KIAA1328: variants seen among roughly 807,000 people sequenced by gnomAD.
The protein encoded by KIAA1328 is protein hinderin.
Under a neutral mutation model 68.1 loss-of-function variants are expected in KIAA1328, and 52 were observed. That is an observed-to-expected ratio of 0.76 (90% CI 0.61 to 0.96). KIAA1328 has a LOEUF of 0.96. KIAA1328 is among the 40% of genes least tolerant of loss of function. The probability of loss-of-function intolerance (pLI) is 0.00; values close to 1 mark genes in which losing one functional copy is unlikely to be tolerated. For missense variants in KIAA1328, 641 were observed against 677.6 expected (o/e 0.95, Z 0.60); for synonymous variants, 232 against 239.4 (o/e 0.97, Z 0.28).
chr18:37,136,109 C>G (rs1282201418), intron 7 of KIAA1328, among the ~76,000 whole-genome samples: 1 of 152,042 alleles, frequency 6.6e-6, no homozygotes. Context: ...TTTTTGCATC[C>G]TTGTACCACA....
intron 4 of KIAA1328, among the ~76,000 whole-genome samples, chr18:36,852,074 A>C (rs938532129): frequency 6.6e-6 from 1 of 152,006 alleles, no homozygotes. Flanking sequence ...ATTTCCACAT[A>C]TTTGTGCATT....
intron 6 of KIAA1328, among the ~76,000 whole-genome samples, chr18:36,986,396 G>A (rs2052926610): frequency 6.7e-6 from 1 of 149,784 alleles, no homozygotes; most frequent in Non-Finnish European, 1.5e-5. Flanking sequence ...AGAAAACCTA[G>A]GCATTACCAT....
At chr18:37,047,115 T>C (rs1420741002) in intron 6 of KIAA1328, among the ~76,000 whole-genome samples, 1 of 152,182 alleles carries the variant, frequency 6.6e-6, no homozygotes, top group African/African-American at 2.4e-5. Flanking sequence ...TTTTGTGCCT[T>C]GGCTAGGTAT....
At chr18:36,928,168 C>A (rs937598577) in intron 5 of KIAA1328, among the ~76,000 whole-genome samples, 9 of 151,990 alleles carry the variant, frequency 5.9e-5, no homozygotes, top group African/African-American at 2.2e-4. Flanking sequence ...ATAGACTGGG[C>A]AGAATGTGTA....
At chr18:37,087,219 C>A (rs370570704) in intron 7 of KIAA1328, among the ~76,000 whole-genome samples, 8 of 143,072 alleles carry the variant, frequency 5.6e-5, no homozygotes, top group African/African-American at 2.4e-4. Flanking sequence ...CCACTATACC[C>A]AACCAATTTT....
chr18:37,094,772 G>T (rs781233360), intron 7 of KIAA1328, among the ~76,000 whole-genome samples: 5 of 152,062 alleles, frequency 3.3e-5, no homozygotes, highest in Admixed American at 6.5e-5. Flanking sequence ...TCCTCAATAA[G>T]ATATAGACTG....
chr18:37,097,845 G>A (rs1311506224), intron 7 of KIAA1328, among the ~76,000 whole-genome samples: 1 of 152,156 alleles, frequency 6.6e-6, no homozygotes, highest in Non-Finnish European at 1.5e-5. Context: ...AATTGTGAAT[G>A]GGAGTTCACT....
intron 5 of KIAA1328, among the ~76,000 whole-genome samples, chr18:36,955,205 C>T (rs530591516): frequency 2.6e-5 from 4 of 150,994 alleles, no homozygotes; most frequent in Admixed American, 1.3e-4. Context: ...GATCTCAGCT[C>T]GGTGCAACCT....
At chr18:36,981,116 A>T (rs1257850946) in intron 6 of KIAA1328, among the ~76,000 whole-genome samples, 1 of 152,216 alleles carries the variant, frequency 6.6e-6, no homozygotes, top group Non-Finnish European at 1.5e-5. Context: ...ATGCCTGGGA[A>T]TAGTGCTTGT....
At chr18:37,109,369 T>C (rs770492511) in intron 7 of KIAA1328, among the ~76,000 whole-genome samples, 2 of 152,208 alleles carry the variant, frequency 1.3e-5, no homozygotes, top group African/African-American at 4.8e-5. Context: ...AAATAAAACA[T>C]GTTACCCCTC....
rs2046954620 is a variant in KIAA1328 at position 36,844,284 on chromosome 18, T to C, written c.314T>C (p.Leu105Ser). The change falls in exon 4 of 10, where the codon TTA becomes TCA. Residue 105 changes from leucine to serine, a missense_variant. Leu to Ser is a moderately radical substitution (Grantham distance 145). Transcript: ENST00000280020. ...CLEDKRRIAN[L>S]IKELARVSEE... ...GAAGACAAAAGACGCATTGCAAACTTAATTAAAGAACTGGCCAGGTGAGAT... is the reference window on the plus strand; with the variant it reads ...GAAGACAAAAGACGCATTGCAAACTCAATTAAAGAACTGGCCAGGTGAGAT... 6.2e-7 allele frequency: 1 copy of C among 1,602,404 alleles called. No individual in the cohort carries two copies. The highest frequency in any genetic ancestry group is 1.7e-5 in the Admixed American group (1 of 58,906).
chr18:37,099,761 G>T (rs1040086043), intron 7 of KIAA1328, among the ~76,000 whole-genome samples: 1 of 152,184 alleles, frequency 6.6e-6, no homozygotes, highest in East Asian at 1.9e-4. Context: ...GGGTACTCCT[G>T]TATTGGGTGC....
chr18:37,137,477 G>A (rs768492161), intron 7 of KIAA1328, among the ~76,000 whole-genome samples: 8 of 151,934 alleles, frequency 5.3e-5, no homozygotes, highest in Non-Finnish European at 1.0e-4. Flanking sequence ...TTTATTCCTG[G>A]TCTACTATAT....
At chr18:37,160,170 T>G in intron 7 of KIAA1328, 30 bp from the exon 8 acceptor site, 1 of 1,588,878 alleles carries the variant, frequency 6.3e-7, no homozygotes. Flanking sequence ...TTCTGTGCCT[T>G]CAACAGTTCA....
chr18:37,025,245 G>T lies in KIAA1328; in HGVS notation c.577-41645G>T, dbSNP rs142502495. Among the ~76,000 whole-genome samples the T allele has an allele frequency of 8.3e-3, 1,256 of 152,170 alleles. 21 individuals are homozygous for T. The highest frequency in any genetic ancestry group is 0.028 in the African/African-American group (1,179 of 41,488). On this transcript the variant is annotated intron_variant, in intron 6 of 9. Transcript: ENST00000280020. The stretch of plus-strand genomic sequence containing the variant: ...AAGCAAGTCCTCAGAGACCTACAAA[G>T]AGACTTAGACTCCCACGCAATAATA...
chr18:36,965,624 G>C (rs1315917258), intron 6 of KIAA1328, among the ~76,000 whole-genome samples: 1 of 149,060 alleles, frequency 6.7e-6, no homozygotes, highest in Non-Finnish European at 1.5e-5. Context: ...ACCCACCTTG[G>C]CCTCCCAAAG....
Position 37,023,381 on chromosome 18 carries a change from A to AT in KIAA1328, c.577-43499dup, listed in dbSNP as rs112443699. Among the ~76,000 whole-genome samples the AT allele has an allele frequency of 5.1e-4, 76 of 150,268 alleles. 1 individual carries two copies. The South Asian group carries it at 8.4e-3, about 17-fold the overall frequency. ...AGGCATGTGCCACTAAGCCAGACTAATTTTTTTTTTAATTTTAGAAGAGAG... is the reference window on the plus strand; with the variant it reads ...AGGCATGTGCCACTAAGCCAGACTAATTTTTTTTTTTAATTTTAGAAGAGAG... On this transcript the variant is annotated intron_variant, in intron 6 of 9. Transcript: ENST00000280020.
At chr18:37,157,196 T>G (rs2059170809) in intron 7 of KIAA1328, among the ~76,000 whole-genome samples, 1 of 152,152 alleles carries the variant, frequency 6.6e-6, no homozygotes, top group Non-Finnish European at 1.5e-5. Context: ...TAAATTATTG[T>G]TTTCTAGACG....
intron 6 of KIAA1328, 131 bp from the exon 7 acceptor site, chr18:37,066,759 A>G (rs948282637): frequency 9.5e-6 from 8 of 846,030 alleles, no homozygotes; most frequent in East Asian, 8.1e-5. Context: ...TGTGAATGCT[A>G]TAATTTAATA....
Sources: allele counts gnomAD v4.1 joint callset (sites outside exome capture counted in the v4.1 genomes callset), GRCh38; gene constraint gnomAD v4.1.1; transcripts MANE v1.5; gene names NCBI Gene and HGNC (gene_info 2026-07-23, HGNC 2026-07-21).